The following GLI2 variants were observed in gnomAD, a reference collection of about 807,000 sequenced individuals.
The protein encoded by GLI2 is GLI family zinc finger 2.
Under a neutral mutation model 78.9 loss-of-function variants are expected in GLI2, and 22 were observed. The ratio of observed to expected loss-of-function variants is 0.28; its 90% CI spans 0.20 to 0.40. The LOEUF (loss-of-function observed/expected upper bound fraction) is 0.40. GLI2 is among the 10% of genes least tolerant of loss of function. The pLI is 1.00. For synonymous variants in GLI2, 974 were observed against 963.7 expected (o/e 1.01, Z -0.20); for missense variants, 2,097 against 2,213.2 (o/e 0.95, Z 1.05).
At chr2:120,884,081 G>T (rs1036021160) in intron 2 of GLI2, among the ~76,000 whole-genome samples, 1 of 152,182 alleles carries the variant, frequency 6.6e-6, no homozygotes, top group Non-Finnish European at 1.5e-5. Context: ...GGGGCCAGGG[G>T]CAGCTCAGTG....
At chr2:120,853,036 C>T (rs958297524) in intron 2 of GLI2, among the ~76,000 whole-genome samples, 6 of 152,240 alleles carry the variant, frequency 3.9e-5, no homozygotes, top group African/African-American at 1.4e-4. Flanking sequence ...ATCCCCTACC[C>T]TCTCTGGCCC....
intron 1 of GLI2, among the ~76,000 whole-genome samples, chr2:120,753,349 A>G (rs1302164222): frequency 6.6e-6 from 1 of 151,614 alleles, no homozygotes; most frequent in Non-Finnish European, 1.5e-5. Flanking sequence ...ACCTGCGTCG[A>G]CCTCTGAAAG....
At chr2:120,954,710 G>A (rs1486358950) in intron 4 of GLI2, among the ~76,000 whole-genome samples, 1 of 152,206 alleles carries the variant, frequency 6.6e-6, no homozygotes, top group Non-Finnish European at 1.5e-5. Flanking sequence ...GGGCAGGGCT[G>A]ACCTCAGGGT....
intron 12 of GLI2, 32 bp from the exon 13 acceptor site, chr2:120,986,246 G>A: frequency 6.3e-7 from 1 of 1,594,256 alleles, no homozygotes. Context: ...GATACCCTCT[G>A]AGTCTGAGCC....
Position 120,815,931 on chromosome 2 carries a change from G to A in GLI2, c.148+18463G>A, listed in dbSNP as rs145367086. Among the ~76,000 whole-genome samples, 168 of 152,304 alleles carry A rather than the reference G, an allele frequency of 1.1e-3. 1 individual carries two copies. Among genetic ancestry groups the A allele is most frequent in the African/African-American group, 3.8e-3 (158 of 41,560 alleles). ...ACCCACCAGGATGGTTAGAGTTCAC[G>A]CCTGCCTTCCTGTACTTCCAGCTTC... On this transcript the variant is annotated intron_variant, in intron 2 of 13. Transcript: ENST00000361492.
intron 2 of GLI2, among the ~76,000 whole-genome samples, chr2:120,927,106 C>G (rs1679716841): frequency 6.6e-6 from 1 of 152,228 alleles, no homozygotes; most frequent in African/African-American, 2.4e-5. Context: ...TCCCCGAGTT[C>G]AAAGAGTGCT....
chr2:120,861,053 C>G (rs1366003715), intron 2 of GLI2, among the ~76,000 whole-genome samples: 1 of 152,146 alleles, frequency 6.6e-6, no homozygotes, highest in Non-Finnish European at 1.5e-5. Context: ...CCCTAGATGC[C>G]CACCCTAATC....
chr2:120,964,813 G>T (rs759615393), intron 5 of GLI2, among the ~76,000 whole-genome samples: 2 of 152,250 alleles, frequency 1.3e-5, no homozygotes, highest in African/African-American at 2.4e-5. Flanking sequence ...CGGGACGTCC[G>T]CCTGGCCCTG....
intron 2 of GLI2, among the ~76,000 whole-genome samples, chr2:120,812,159 A>G (rs952537312): frequency 2.0e-5 from 3 of 152,182 alleles, no homozygotes; most frequent in African/African-American, 4.8e-5. Flanking sequence ...TTAGGGCGCA[A>G]TAGAAAACCA....
chr2:120,879,216 C>G (rs371796214), intron 2 of GLI2, among the ~76,000 whole-genome samples: 2 of 152,082 alleles, frequency 1.3e-5, no homozygotes, highest in Non-Finnish European at 2.9e-5. Context: ...TGAGGCCTTT[C>G]GCCAGACACT....
chr2:120,749,703 T>C (rs1307726525), intron 1 of GLI2, among the ~76,000 whole-genome samples: 1 of 152,224 alleles, frequency 6.6e-6, no homozygotes, highest in East Asian at 1.9e-4. Flanking sequence ...AGGGTTGTAT[T>C]TGGAGTTTTT....
At position 120,943,476 on chromosome 2, in the gene GLI2, G is replaced by C. The variant is rs145009162; in HGVS notation, c.255-7767G>C. On this transcript the variant is annotated intron_variant, in intron 3 of 13. Transcript: ENST00000361492. ...CATAAGTCACCCTGAGAAGCAGGCA[G>C]GTGGTGAGATTTGTAGGCTCATATC... Among the ~76,000 whole-genome samples the C allele has an allele frequency of 2.7e-3, 406 of 152,324 alleles. 3 individuals carry two copies. The highest frequency in any genetic ancestry group is 0.017 in the Middle Eastern group (5 of 294).
chr2:120,912,990 TA>T (rs1371085118), intron 2 of GLI2, among the ~76,000 whole-genome samples: 4 of 152,036 alleles, frequency 2.6e-5, no homozygotes, highest in Non-Finnish European at 4.4e-5. Context: ...GTTTGTGAGT[TA>T]AATGAATGGA....
intron 3 of GLI2, among the ~76,000 whole-genome samples, chr2:120,949,299 G>A (rs1476402655): frequency 2.0e-5 from 3 of 152,268 alleles, no homozygotes; most frequent in African/African-American, 7.2e-5. Context: ...ACGTCTTGAG[G>A]TTGTGACTTG....
chr2:120,981,962 G>T (rs567366128), intron 10 of GLI2, among the ~76,000 whole-genome samples: 1 of 152,288 alleles, frequency 6.6e-6, no homozygotes, highest in African/African-American at 2.4e-5. Context: ...TAGTAAGAAG[G>T]CTGGGTAACA....
chr2:120,808,159 G>A (rs992280725), intron 2 of GLI2, among the ~76,000 whole-genome samples: 4 of 152,204 alleles, frequency 2.6e-5, no homozygotes, highest in Non-Finnish European at 5.9e-5. Flanking sequence ...GGTTTGGTAT[G>A]GAGCCGGGCA....
chr2:120,850,680 C>G (rs1687364298), intron 2 of GLI2, among the ~76,000 whole-genome samples: 1 of 152,118 alleles, frequency 6.6e-6, no homozygotes. Context: ...ACAGTCAGAG[C>G]AGAGGCTTGA....
intron 2 of GLI2, among the ~76,000 whole-genome samples, chr2:120,908,335 CTT>C (rs1408339008): frequency 2.6e-5 from 4 of 152,190 alleles, no homozygotes; most frequent in Non-Finnish European, 4.4e-5. Context: ...TTTGTGCACA[CTT>C]GGGTAGAACA....
chr2:120,765,283 G>GC (rs995360223), intron 1 of GLI2, among the ~76,000 whole-genome samples: 4 of 152,350 alleles, frequency 2.6e-5, no homozygotes, highest in African/African-American at 7.2e-5. Context: ...GGGCAGACGG[G>GC]CCGCCTGTCC....
Sources: gnomAD v4.1 joint callset for allele counts (sites outside exome capture counted in the v4.1 genomes callset) on GRCh38, gnomAD v4.1.1 for gene constraint, MANE v1.5 for transcripts, NCBI Gene and HGNC (gene_info 2026-07-23, HGNC 2026-07-21) for gene names.